SHROOM3: variants seen among roughly 807,000 people sequenced by gnomAD.
SHROOM3 encodes shroom family member 3.
In SHROOM3, 47 loss-of-function variants were observed where a neutral mutation model predicts 138.6. That is an observed-to-expected ratio of 0.34 (90% confidence interval 0.27 to 0.43). The LOEUF is 0.43. SHROOM3 is among the 20% of genes least tolerant of loss of function. The probability of loss-of-function intolerance (pLI) is 1.00; values close to 1 mark genes in which losing one functional copy is unlikely to be tolerated. For missense variants in SHROOM3, 2,491 were observed against 2,596.5 expected (o/e 0.96, Z 0.88); for synonymous variants, 1,062 against 1,063.3 (o/e 1.00, Z 0.02).
At chr4:76,750,363 C>T (rs1721580781) in intron 6 of SHROOM3, among the ~76,000 whole-genome samples, 1 of 152,070 alleles carries the variant, frequency 6.6e-6, no homozygotes, top group African/African-American at 2.4e-5. Flanking sequence ...TCCTTTGCAG[C>T]AACATGGATG....
At chr4:76,681,913 G>A (rs1206488478) in intron 2 of SHROOM3, among the ~76,000 whole-genome samples, 1 of 152,082 alleles carries the variant, frequency 6.6e-6, no homozygotes, top group African/African-American at 2.4e-5. Context: ...CTGGGACTGA[G>A]TCAGTTCTCC....
chr4:76,615,597 T>C (rs1734857070), intron 2 of SHROOM3, among the ~76,000 whole-genome samples: 1 of 152,210 alleles, frequency 6.6e-6, no homozygotes, highest in Non-Finnish European at 1.5e-5. Flanking sequence ...CCCATCACTG[T>C]AGTCATGTGA....
At chr4:76,720,618 T>C (rs1720516143) in intron 3 of SHROOM3, among the ~76,000 whole-genome samples, 2 of 150,836 alleles carry the variant, frequency 1.3e-5, no homozygotes, top group Admixed American at 1.3e-4. Context: ...TCTTTCTTTT[T>C]TTTTTTTTTT....
At chr4:76,446,741 C>T (rs1021229784) in intron 1 of SHROOM3, among the ~76,000 whole-genome samples, 2 of 152,152 alleles carry the variant, frequency 1.3e-5, no homozygotes, top group South Asian at 2.1e-4. Flanking sequence ...TCATGCCTCC[C>T]GACATGCTGA....
chr4:76,624,379 A>G (rs1183406351), intron 2 of SHROOM3, among the ~76,000 whole-genome samples: 3 of 152,148 alleles, frequency 2.0e-5, no homozygotes, highest in Admixed American at 6.5e-5. Context: ...AAGACAGTAC[A>G]TTAGAGCTCC....
intron 2 of SHROOM3, among the ~76,000 whole-genome samples, chr4:76,699,333 T>C (rs1368653162): frequency 1.3e-5 from 2 of 152,230 alleles, no homozygotes; most frequent in Non-Finnish European, 2.9e-5. Flanking sequence ...ACGCAGATCA[T>C]GTTTTCTCAC....
At chr4:76,519,896 A>G (rs565338515) in intron 1 of SHROOM3, among the ~76,000 whole-genome samples, 9 of 152,184 alleles carry the variant, frequency 5.9e-5, no homozygotes, top group Non-Finnish European at 1.3e-4. Context: ...GAGGTGTGAC[A>G]ATATTGTAAC....
intron 10 of SHROOM3, among the ~76,000 whole-genome samples, chr4:76,777,450 T>C (rs1009476625): frequency 1.3e-5 from 2 of 152,238 alleles, no homozygotes; most frequent in African/African-American, 4.8e-5. Context: ...TGATTTTGTA[T>C]CCTGAGACTT....
At chr4:76,757,408 C>T (rs1721853637) in intron 8 of SHROOM3, among the ~76,000 whole-genome samples, 1 of 152,164 alleles carries the variant, frequency 6.6e-6, no homozygotes, top group African/African-American at 2.4e-5. Context: ...GCCCCCAGCT[C>T]AGCAAAGGTG....
chr4:76,563,994 A>G (rs1317929957), intron 2 of SHROOM3, among the ~76,000 whole-genome samples: 2 of 152,178 alleles, frequency 1.3e-5, no homozygotes, highest in Non-Finnish European at 2.9e-5. Flanking sequence ...GGCAGCCAGC[A>G]TGGCAGGCAG....
At chr4:76,555,491 G>A (rs1577882499) in intron 1 of SHROOM3, 118 bp from the exon 2 acceptor site, 4 of 1,442,006 alleles carry the variant, frequency 2.8e-6, no homozygotes, top group Non-Finnish European at 3.8e-6. Flanking sequence ...GCGCTGGGGT[G>A]TGGCCCTAGC....
chr4:76,554,721 G>A (rs1213197816), intron 1 of SHROOM3, among the ~76,000 whole-genome samples: 1 of 152,040 alleles, frequency 6.6e-6, no homozygotes, highest in Non-Finnish European at 1.5e-5. Context: ...TACCCGGCCA[G>A]AGGAACTCAA....
chr4:76,747,406 A>G (rs2110138956), intron 5 of SHROOM3, among the ~76,000 whole-genome samples: 1 of 152,266 alleles, frequency 6.6e-6, no homozygotes, highest in African/African-American at 2.4e-5. Context: ...TTCCTTTGTC[A>G]AGTGGTATTT....
intron 1 of SHROOM3, among the ~76,000 whole-genome samples, chr4:76,496,939 C>A (rs767399696): frequency 3.4e-4 from 52 of 152,310 alleles, no homozygotes; most frequent in Non-Finnish European, 6.2e-4. Flanking sequence ...TGCTTAAGGT[C>A]TATCTGACTT....
chr4:76,734,280 CTTAG>C (rs1560605577), intron 4 of SHROOM3, among the ~76,000 whole-genome samples: 1 of 7,150 alleles, frequency 1.4e-4, no homozygotes, highest in African/African-American at 1.5e-4. Flanking sequence ...GAAAACATCT[CTTAG>C]TTAAATTATA....
At chr4:76,547,120 A>C (rs939297105) in intron 1 of SHROOM3, among the ~76,000 whole-genome samples, 1 of 152,234 alleles carries the variant, frequency 6.6e-6, no homozygotes, top group Admixed American at 6.5e-5. Context: ...CAGAGATTTT[A>C]GGATCCCTGA....
chr4:76,699,090 T>G (rs1030778144), intron 2 of SHROOM3, among the ~76,000 whole-genome samples: 1 of 152,170 alleles, frequency 6.6e-6, no homozygotes, highest in African/African-American at 2.4e-5. Flanking sequence ...CAGTGGTTAT[T>G]AAGCCACAGG....
chr4:76,710,332 C>T (rs1255867634), intron 3 of SHROOM3, 45 bp downstream of exon 3: 1 of 1,610,884 alleles, frequency 6.2e-7, no homozygotes, highest in East Asian at 2.2e-5. Flanking sequence ...AAAAAGAACC[C>T]AGTCCAAAAA....
At chr4:76,612,290 T>C (rs1410537081) in intron 2 of SHROOM3, among the ~76,000 whole-genome samples, 1 of 152,240 alleles carries the variant, frequency 6.6e-6, no homozygotes, top group Non-Finnish European at 1.5e-5. Context: ...TGGAAGATGA[T>C]ATTAGTTATA....
Sources: gnomAD v4.1 joint callset for allele counts (sites outside exome capture counted in the v4.1 genomes callset) on GRCh38, gnomAD v4.1.1 for gene constraint, MANE v1.5 for transcripts, NCBI Gene and HGNC (gene_info 2026-07-23, HGNC 2026-07-21) for gene names.